CIP2A: variants seen among roughly 807,000 people sequenced by gnomAD.
The protein encoded by CIP2A is protein CIP2A.
In CIP2A, 103 loss-of-function variants were observed where a neutral mutation model predicts 110.9. The observed-to-expected ratio is 0.93, with a 90% CI of 0.79 to 1.09. CIP2A has a LOEUF of 1.09. CIP2A is among the 50% of genes least tolerant of loss of function. The pLI is 0.00. For missense variants in CIP2A, 1,088 were observed against 1,038.4 expected, an observed-to-expected ratio of 1.05 and a Z score of -0.66; for synonymous variants, 381 against 361.6, an observed-to-expected ratio of 1.05 and a Z score of -0.61.
intron 18 of CIP2A, 74 bp downstream of exon 18, chr3:108,554,302 A>G (rs1937708391): frequency 1.7e-6 from 1 of 586,284 alleles, no homozygotes; most frequent in Admixed American, 3.5e-5. Flanking sequence ...ATAAAAAACA[A>G]TGTTCTATAT....
intron 1 of CIP2A, 147 bp from the exon 2 acceptor site, chr3:108,585,359 T>C (rs914925103): frequency 4.6e-6 from 3 of 659,276 alleles, no homozygotes; most frequent in African/African-American, 3.7e-5. Context: ...AATTCACCCC[T>C]GCCTAGAGTA....
At chr3:108,561,987 A>G (rs924701375) in intron 13 of CIP2A, among the ~76,000 whole-genome samples, 2 of 152,142 alleles carry the variant, frequency 1.3e-5, no homozygotes, top group African/African-American at 4.8e-5. Flanking sequence ...AGTTTATGCA[A>G]GCAGGCCATC....
At chr3:108,560,559 C>A (rs1373843469) in intron 14 of CIP2A, 90 bp downstream of exon 14, 6 of 706,604 alleles carry the variant, frequency 8.5e-6, no homozygotes, top group Non-Finnish European at 1.3e-5. Context: ...ATAGTGAAAT[C>A]TGTACCTGAC....
intron 4 of CIP2A, among the ~76,000 whole-genome samples, chr3:108,581,745 T>TA (rs1204085025): frequency 1.3e-5 from 2 of 152,172 alleles, no homozygotes; most frequent in Non-Finnish European, 1.5e-5. Flanking sequence ...AACATGGAAG[T>TA]AACTGTCAGC....
At chr3:108,575,315 TGCATGTACACACAC>T (rs1938542284) in intron 8 of CIP2A, among the ~76,000 whole-genome samples, 1 of 146,494 alleles carries the variant, frequency 6.8e-6, no homozygotes, top group Non-Finnish European at 1.5e-5. Flanking sequence ...TACACACACG[TGCATGTACACACAC>T]GTGTATATAT....
At chr3:108,553,571 A>G in intron 19 of CIP2A, 77 bp downstream of exon 19, 1 of 1,275,326 alleles carries the variant, frequency 7.8e-7, no homozygotes, top group Non-Finnish European at 1.1e-6. Context: ...AGAAAATAAA[A>G]AAGCAAACAA....
chr3:108,566,663 CA>C, intron 10 of CIP2A, 25 bp from the exon 11 acceptor site: 14 of 1,479,162 alleles, frequency 9.5e-6, no homozygotes, highest in Non-Finnish European at 1.2e-5. Context: ...AGATATACAA[CA>C]AAAAAATTCT....
intron 8 of CIP2A, among the ~76,000 whole-genome samples, chr3:108,572,874 C>A (rs1938447017): frequency 6.6e-6 from 1 of 151,974 alleles, no homozygotes; most frequent in Non-Finnish European, 1.5e-5. Flanking sequence ...AATGAACATT[C>A]TTTTCTTATT....
At chr3:108,585,256 T>A in intron 1 of CIP2A, 44 bp from the exon 2 acceptor site, 1 of 1,511,048 alleles carries the variant, frequency 6.6e-7, no homozygotes, top group Non-Finnish European at 9.0e-7. Context: ...CGATGGCAAT[T>A]TTCATCTCTT....
chr3:108,563,433 A>C (rs28705019), intron 12 of CIP2A, among the ~76,000 whole-genome samples, 189 bp from the exon 13 acceptor site: 2,901 of 152,196 alleles, frequency 0.019, 101 homozygotes, highest in African/African-American at 0.067. Flanking sequence ...TTTACACTGC[A>C]ATGCAATCAA....
At chr3:108,571,505 C>A (rs2107343116) in intron 8 of CIP2A, among the ~76,000 whole-genome samples, 1 of 152,270 alleles carries the variant, frequency 6.6e-6, no homozygotes, top group East Asian at 1.9e-4. Context: ...GTTCAAAAGA[C>A]AAACCCTGTA....
intron 1 of CIP2A, among the ~76,000 whole-genome samples, chr3:108,586,949 C>G (rs1047368678): frequency 1.3e-5 from 2 of 152,152 alleles, no homozygotes; most frequent in African/African-American, 4.8e-5. Flanking sequence ...ATACTCAGAT[C>G]TCGCTCTCAT....
chr3:108,561,163 A>G (rs1461230142), intron 13 of CIP2A, among the ~76,000 whole-genome samples: 2 of 152,084 alleles, frequency 1.3e-5, no homozygotes, highest in Non-Finnish European at 2.9e-5. Flanking sequence ...ATCATGGGTG[A>G]TATCACCTGG....
chr3:108,574,336 A>G (rs905847796), intron 8 of CIP2A, among the ~76,000 whole-genome samples: 1 of 152,222 alleles, frequency 6.6e-6, no homozygotes, highest in African/African-American at 2.4e-5. Context: ...CTAAAATGAA[A>G]AAGTGAAAAA....
chr3:108,551,283 C>A lies in CIP2A; in HGVS notation c.2584G>T (p.Gly862Cys), dbSNP rs1207069426. Reference sequence around the variant, plus strand: ...AAGGACTCTTTCTCTTCCAAACGACCTTCTAATTGTGCCTTTTGAACCTCT... The same window carrying A: ...AAGGACTCTTTCTCTTCCAAACGACATTCTAATTGTGCCTTTTGAACCTCT... ...SLEVQKAQLE[G>C]RLEEKESLVK... The change falls in exon 21 of 21, where the codon GGT (glycine) becomes TGT (cysteine). Residue 862 changes from glycine to cysteine, a missense_variant. Transcript: ENST00000295746. 7.4e-6 allele frequency: 12 copies of A among 1,611,994 alleles called. No homozygotes were observed. The highest frequency in any genetic ancestry group is 9.3e-6 in the Non-Finnish European group (11 of 1,178,738).
chr3:108,580,936 C>T (rs781357273), intron 5 of CIP2A, among the ~76,000 whole-genome samples: 1 of 152,086 alleles, frequency 6.6e-6, no homozygotes, highest in Non-Finnish European at 1.5e-5. Flanking sequence ...ATTTAATATA[C>T]TTCTAAAAGT....
chr3:108,552,035 T>C (rs1937607836), intron 20 of CIP2A, among the ~76,000 whole-genome samples, 199 bp downstream of exon 20: 1 of 152,186 alleles, frequency 6.6e-6, no homozygotes, highest in Non-Finnish European at 1.5e-5. Context: ...TGACACAAAG[T>C]ATCTGTTTAA....
At chr3:108,553,586 A>G in intron 19 of CIP2A, 62 bp downstream of exon 19, 1 of 1,415,028 alleles carries the variant, frequency 7.1e-7, no homozygotes, top group Non-Finnish European at 9.6e-7. Flanking sequence ...AAACAAAACC[A>G]CTCATGCTTC....
intron 8 of CIP2A, among the ~76,000 whole-genome samples, chr3:108,573,407 G>T (rs753437025): frequency 2.7e-5 from 4 of 150,302 alleles, no homozygotes; most frequent in East Asian, 1.9e-4. Context: ...CTATCATAAC[G>T]CGAATTATTT....
Sources: allele counts gnomAD v4.1 joint callset (sites outside exome capture counted in the v4.1 genomes callset), GRCh38; gene constraint gnomAD v4.1.1; transcripts MANE v1.5; gene names NCBI Gene and HGNC (gene_info 2026-07-23, HGNC 2026-07-21).